PPM1L: variants seen among roughly 807,000 people sequenced by gnomAD.
The protein encoded by PPM1L is protein phosphatase 1L.
A neutral mutation model predicts 31.4 loss-of-function variants in PPM1L; 13 were observed. That is an observed-to-expected ratio of 0.41 (90% CI 0.27 to 0.66). PPM1L has a LOEUF of 0.66. Ranked by LOEUF, PPM1L falls within the 30% of genes least tolerant of loss-of-function variation. The pLI is 0.29. For synonymous variants in PPM1L, 184 were observed against 175.4 expected (o/e 1.05, Z -0.39); for missense variants, 326 against 453.7 (o/e 0.72, Z 2.56).
chr3:160,868,807 G>A (rs1485980424), intron 1 of PPM1L, among the ~76,000 whole-genome samples: 1 of 151,880 alleles, frequency 6.6e-6, no homozygotes, highest in East Asian at 1.9e-4. Context: ...TAATATGACA[G>A]TTAATTTCTT....
intron 2 of PPM1L, among the ~76,000 whole-genome samples, chr3:160,982,113 A>G (rs1017828443): frequency 6.6e-6 from 1 of 152,280 alleles, no homozygotes; most frequent in Admixed American, 6.5e-5. Flanking sequence ...TTGGAAGTCC[A>G]AAGCTGGAGT....
chr3:160,973,589 G>C (rs1399385860), intron 2 of PPM1L, among the ~76,000 whole-genome samples: 1 of 152,140 alleles, frequency 6.6e-6, no homozygotes, highest in East Asian at 1.9e-4. Context: ...TGGTCCATTT[G>C]TAGTAGTGAG....
intron 2 of PPM1L, among the ~76,000 whole-genome samples, chr3:160,999,075 G>A (rs546248444): frequency 5.3e-4 from 81 of 152,248 alleles, no homozygotes; most frequent in African/African-American, 1.9e-3. Flanking sequence ...GTGCAATGTT[G>A]GGGAAAGTGT....
intron 1 of PPM1L, among the ~76,000 whole-genome samples, chr3:160,799,831 T>C (rs2108077411): frequency 6.6e-6 from 1 of 152,334 alleles, no homozygotes; most frequent in East Asian, 1.9e-4. Flanking sequence ...TTTCTGATAC[T>C]TCCCAACACC....
At chr3:160,864,613 T>A (rs1225767779) in intron 1 of PPM1L, among the ~76,000 whole-genome samples, 1 of 152,254 alleles carries the variant, frequency 6.6e-6, no homozygotes, top group East Asian at 1.9e-4. Flanking sequence ...TTATCAGTTC[T>A]TTCACAGATA....
At chr3:161,063,759 G>A (rs1362427323) in intron 2 of PPM1L, among the ~76,000 whole-genome samples, 1 of 152,060 alleles carries the variant, frequency 6.6e-6, no homozygotes, top group African/African-American at 2.4e-5. Context: ...GCAAAGACTT[G>A]GAACCCATCC....
chr3:160,996,956 G>T (rs1447938184), intron 2 of PPM1L, among the ~76,000 whole-genome samples: 1 of 152,138 alleles, frequency 6.6e-6, no homozygotes, highest in Non-Finnish European at 1.5e-5. Flanking sequence ...AGCAAAGGAG[G>T]ATTTCAGTGG....
intron 2 of PPM1L, among the ~76,000 whole-genome samples, chr3:160,987,585 A>G (rs1717004872): frequency 6.6e-6 from 1 of 152,216 alleles, no homozygotes; most frequent in Non-Finnish European, 1.5e-5. Flanking sequence ...TTACCTGATT[A>G]CTTCTTACTT....
chr3:160,774,734 T>G (rs1477675719), intron 1 of PPM1L, among the ~76,000 whole-genome samples: 1 of 152,240 alleles, frequency 6.6e-6, no homozygotes, highest in South Asian at 2.1e-4. Context: ...TTGTCCTTAT[T>G]TCAAGGTTCC....
At chr3:160,909,827 A>C (rs1054007097) in intron 1 of PPM1L, among the ~76,000 whole-genome samples, 1 of 152,234 alleles carries the variant, frequency 6.6e-6, no homozygotes. Context: ...CTTGTAAATT[A>C]GTCCTTTCTT....
At chr3:160,967,629 T>C (rs997328658) in intron 2 of PPM1L, among the ~76,000 whole-genome samples, 2 of 152,072 alleles carry the variant, frequency 1.3e-5, no homozygotes, top group African/African-American at 4.8e-5. Flanking sequence ...TTTCAACATA[T>C]GAATTTTGGG....
intron 1 of PPM1L, among the ~76,000 whole-genome samples, chr3:160,935,052 A>AAAC (rs1379767605): frequency 5.9e-5 from 9 of 152,204 alleles, no homozygotes; most frequent in Middle Eastern, 3.2e-3. Context: ...AGTTACATGA[A>AAAC]AACAAAAGCC....
At chr3:160,975,181 G>T (rs1716520587) in intron 2 of PPM1L, among the ~76,000 whole-genome samples, 1 of 152,144 alleles carries the variant, frequency 6.6e-6, no homozygotes, top group Non-Finnish European at 1.5e-5. Context: ...TTAGATAGTT[G>T]TAGATATGCG....
chr3:160,770,590 C>A (rs1415705285), intron 1 of PPM1L, among the ~76,000 whole-genome samples: 1 of 152,166 alleles, frequency 6.6e-6, no homozygotes, highest in Non-Finnish European at 1.5e-5. Context: ...GTAGTTTTTT[C>A]TTTGGAGAAA....
intron 1 of PPM1L, among the ~76,000 whole-genome samples, chr3:160,790,990 G>T (rs1455873): frequency 0.62 from 93,593 of 151,888 alleles, 31,874 homozygotes; most frequent in East Asian, 0.94. Context: ...TCTGAGGGGG[G>T]TTAAGTCATC....
chr3:160,981,505 C>T (rs1431571992), intron 2 of PPM1L, among the ~76,000 whole-genome samples: 1 of 152,082 alleles, frequency 6.6e-6, no homozygotes, highest in Non-Finnish European at 1.5e-5. Flanking sequence ...ATGTGAATGT[C>T]GAAAGTGGTA....
At chr3:161,030,004 C>CT in intron 2 of PPM1L, among the ~76,000 whole-genome samples, 1 of 152,176 alleles carries the variant, frequency 6.6e-6, no homozygotes. Context: ...ACTTGGGAAA[C>CT]TTTTTTACCT....
chr3:160,759,054 C>T (rs1714893061), intron 1 of PPM1L, among the ~76,000 whole-genome samples: 2 of 152,106 alleles, frequency 1.3e-5, no homozygotes, highest in Admixed American at 6.5e-5. Flanking sequence ...TAGATAATTT[C>T]TCTTGCTTTT....
chr3:160,763,376 T>A lies in PPM1L; in HGVS notation c.399+6669T>A, dbSNP rs6785273. ...GCATAGATTCCATCCTCATTTTTAA[T>A]GCAGGTAAATGGGAAGAGATTATAG... is the stretch of plus-strand genomic sequence containing the variant. On this transcript the variant is annotated intron_variant, in intron 1 of 3. Coordinates refer to ENST00000498165, the MANE Select transcript of PPM1L (RefSeq NM_139245.4). Among the ~76,000 whole-genome samples the A allele has an allele frequency of 8.7e-3, 1,322 of 152,322 alleles. 27 individuals carry two copies. The highest frequency in any genetic ancestry group is 0.03 in the African/African-American group (1,265 of 41,582).
Sources: gnomAD v4.1 joint callset for allele counts (sites outside exome capture counted in the v4.1 genomes callset) on GRCh38, gnomAD v4.1.1 for gene constraint, MANE v1.5 for transcripts, NCBI Gene and HGNC (gene_info 2026-07-23, HGNC 2026-07-21) for gene names.